EPC2: variants seen among roughly 807,000 people sequenced by gnomAD.
EPC2 encodes the protein enhancer of polycomb homolog 2.
Under a neutral mutation model 92.1 loss-of-function variants are expected in EPC2, and 14 were observed. The ratio of observed to expected loss-of-function variants is 0.15; its 90% confidence interval spans 0.10 to 0.24. The LOEUF is 0.24. Ranked by LOEUF, EPC2 falls within the 10% of genes least tolerant of loss-of-function variation. The pLI is 1.00. For synonymous variants in EPC2, 340 were observed against 334.7 expected (o/e 1.02, Z -0.17); for missense variants, 755 against 971.5 (o/e 0.78, Z 2.96).
Position 148,683,750 on chromosome 2 carries a change from T to C in EPC2, c.154-6464T>C, listed in dbSNP as rs114270908. ...TGCCTGAGTAGTATTCCATGGTATATATACACCACATTCACTCCTTAGTTG... is the reference window on the plus strand; with the variant it reads ...TGCCTGAGTAGTATTCCATGGTATACATACACCACATTCACTCCTTAGTTG... On this transcript the variant is annotated intron_variant, in intron 1 of 13. Transcript: ENST00000258484. Among the ~76,000 whole-genome samples the C allele has an allele frequency of 7.2e-3, 1,091 of 152,352 alleles. 6 individuals carry two copies. Among genetic ancestry groups the C allele is most frequent in the African/African-American group, 0.025 (1,025 of 41,578 alleles).
chr2:148,773,068 A>G (rs559063619), intron 10 of EPC2, among the ~76,000 whole-genome samples: 1 of 152,252 alleles, frequency 6.6e-6, no homozygotes, highest in South Asian at 2.1e-4. Context: ...GCTTTCTCCT[A>G]TACATTCCAG....
rs368707873 is a variant in EPC2 at position 148,753,511 on chromosome 2, G to T, written c.460-416G>T. On this transcript the variant is annotated intron_variant, in intron 3 of 13. Transcript: ENST00000258484. Reference sequence around the variant, plus strand: ...CTTTTATTTTGGACGCACATAAAAAGAAACCCCCATACCTCCTACTTTGTG... The same window carrying T: ...CTTTTATTTTGGACGCACATAAAAATAAACCCCCATACCTCCTACTTTGTG... 1.4e-4 allele frequency among the ~76,000 whole-genome samples: 22 copies of T among 152,184 alleles called. No homozygotes were observed. In the South Asian group the frequency reaches 2.3e-3, roughly 16 times the overall value.
chr2:148,684,977 A>T (rs1471695476), intron 1 of EPC2, among the ~76,000 whole-genome samples: 1 of 152,076 alleles, frequency 6.6e-6, no homozygotes, highest in South Asian at 2.1e-4. Flanking sequence ...TGTTTTTCTG[A>T]TTACTAATGA....
chr2:148,683,583 G>A (rs543924302), intron 1 of EPC2, among the ~76,000 whole-genome samples: 2 of 152,024 alleles, frequency 1.3e-5, no homozygotes, highest in Non-Finnish European at 2.9e-5. Context: ...TCATTCTTAT[G>A]CCTTTGCATC....
chr2:148,667,537 A>G (rs1027010391), intron 1 of EPC2, among the ~76,000 whole-genome samples: 1 of 151,978 alleles, frequency 6.6e-6, no homozygotes, highest in African/African-American at 2.4e-5. Context: ...ATTCCATCAG[A>G]TTTTCTGCAT....
intron 2 of EPC2, chr2:148,691,415 T>C (rs1681641448): frequency 1.7e-6 from 2 of 1,158,056 alleles, no homozygotes; most frequent in Admixed American, 2.1e-5. Flanking sequence ...TCTCTGGGTG[T>C]GAAGTCTGGT....
intron 2 of EPC2, among the ~76,000 whole-genome samples, chr2:148,729,227 T>G (rs1376141828): frequency 8.6e-5 from 13 of 152,006 alleles, no homozygotes; most frequent in Non-Finnish European, 1.9e-4. Flanking sequence ...ACAGGAGTGC[T>G]TGTTTTCCTA....
chr2:148,645,103 A>G lies in EPC2; in HGVS notation c.86A>G (p.Asn29Ser), dbSNP rs1683765561. 6.2e-7 allele frequency: 1 copy of G among 1,603,920 alleles called. No homozygotes were observed. The highest frequency in any genetic ancestry group is 8.5e-7 in the Non-Finnish European group (1 of 1,174,980). ...IYRGKDMPDL[N>S]DCVSINRAVP... ...CGCGGCAAGGACATGCCTGATCTCA[A>G]CGACTGCGTCTCCATCAACCGGGCC... Residue 29 changes from asparagine to serine, a missense_variant, in exon 1 of 14, where the codon AAC becomes AGC. This residue lies in a region of EPC2 where 36 missense variants were observed against 84.0 expected (regional missense o/e 0.43). Coordinates refer to ENST00000258484, the MANE Select transcript of EPC2 (RefSeq NM_015630.4).
chr2:148,769,298 T>A, intron 8 of EPC2, 58 bp downstream of exon 8: 2 of 1,211,308 alleles, frequency 1.7e-6, no homozygotes, highest in Non-Finnish European at 2.4e-6. Flanking sequence ...AGGTAACCCA[T>A]GTCAAGATGA....
chr2:148,721,712 C>CTTTTTTT (rs34017461), intron 2 of EPC2, among the ~76,000 whole-genome samples: 1 of 111,518 alleles, frequency 9.0e-6, no homozygotes, highest in African/African-American at 3.5e-5. Context: ...CTGTTTTATT[C>CTTTTTTT]TTTTTTTTTT....
chr2:148,763,015 G>T (rs1444811888), intron 6 of EPC2, among the ~76,000 whole-genome samples: 1 of 152,090 alleles, frequency 6.6e-6, no homozygotes, highest in African/African-American at 2.4e-5. Flanking sequence ...TGTTGCATCT[G>T]TGTGACTTCT....
chr2:148,697,498 C>A (rs190736183), intron 2 of EPC2, among the ~76,000 whole-genome samples: 265 of 152,098 alleles, frequency 1.7e-3, no homozygotes, highest in African/African-American at 6.1e-3. Context: ...GAAAAGGGAA[C>A]CATGAGAGTA....
intron 2 of EPC2, among the ~76,000 whole-genome samples, chr2:148,742,707 A>T (rs146548694): frequency 6.6e-6 from 1 of 151,630 alleles, no homozygotes; most frequent in African/African-American, 2.4e-5. Flanking sequence ...GCTTGAGCCC[A>T]GGAGACAGAG....
At chr2:148,742,696 T>C (rs933592697) in intron 2 of EPC2, among the ~76,000 whole-genome samples, 1 of 150,778 alleles carries the variant, frequency 6.6e-6, no homozygotes, top group Admixed American at 6.6e-5. Context: ...GTGGGAGAAT[T>C]GCTTGAGCCC....
At chr2:148,731,629 T>G (rs1232436038) in intron 2 of EPC2, among the ~76,000 whole-genome samples, 1 of 152,150 alleles carries the variant, frequency 6.6e-6, no homozygotes. Context: ...CTCGAACTCC[T>G]TACTTCAGGT....
intron 1 of EPC2, among the ~76,000 whole-genome samples, chr2:148,685,035 C>G (rs1681486306): frequency 6.6e-6 from 1 of 152,096 alleles, no homozygotes; most frequent in South Asian, 2.1e-4. Context: ...GTTTTCTCTT[C>G]TGTAAATTGC....
chr2:148,672,854 C>T (rs1373310484), intron 1 of EPC2, among the ~76,000 whole-genome samples: 1 of 152,102 alleles, frequency 6.6e-6, no homozygotes, highest in Admixed American at 6.5e-5. Context: ...GAAGGACTCC[C>T]TTTAGCAATT....
rs182152924 is a variant in EPC2, at chr2:148,661,593, T to C, written c.153+16423T>C. 1.1e-3 allele frequency among the ~76,000 whole-genome samples: 162 copies of C among 152,306 alleles called. 1 individual carries two copies. Among genetic ancestry groups the C allele is most frequent in the African/African-American group, 3.7e-3 (155 of 41,572 alleles). ...CATTTTTGTTTTGTTTCTGAACTTGTGTCTCTAGTGTTTCTTTGTTAAATG... is the reference window on the plus strand; with the variant it reads ...CATTTTTGTTTTGTTTCTGAACTTGCGTCTCTAGTGTTTCTTTGTTAAATG... On this transcript the variant is annotated intron_variant, in intron 1 of 13. Transcript: ENST00000258484.
chr2:148,700,005 T>G (rs1681841407), intron 2 of EPC2, among the ~76,000 whole-genome samples: 1 of 152,236 alleles, frequency 6.6e-6, no homozygotes, highest in Non-Finnish European at 1.5e-5. Context: ...TTTTGTTTGA[T>G]TGACATTATT....
Sources: gnomAD v4.1 joint callset for allele counts (sites outside exome capture counted in the v4.1 genomes callset) on GRCh38, gnomAD v4.1.1 for gene constraint, gnomAD v4.1.1 regional missense constraint, MANE v1.5 for transcripts, NCBI Gene and HGNC (gene_info 2026-07-23, HGNC 2026-07-21) for gene names.